The following LRBA variants were observed in gnomAD, a reference collection of about 807,000 sequenced individuals.
LRBA encodes lipopolysaccharide-responsive and beige-like anchor protein.
A neutral mutation model predicts 330.0 loss-of-function variants in LRBA; 176 were observed. The ratio of observed to expected loss-of-function variants is 0.53; its 90% CI spans 0.47 to 0.60. LRBA has a LOEUF of 0.60. LRBA is among the 20% of genes least tolerant of loss of function. LRBA has a pLI of 0.00. For synonymous variants in LRBA, 1,230 were observed against 1,193.0 expected (o/e 1.03, Z -0.64); for missense variants, 3,259 against 3,444.8 (o/e 0.95, Z 1.35).
chr4:150,303,452 C>A (rs1274383531), intron 52 of LRBA, among the ~76,000 whole-genome samples: 1 of 152,086 alleles, frequency 6.6e-6, no homozygotes, highest in Non-Finnish European at 1.5e-5. Context: ...ATGGTAATGA[C>A]TGGGGACAAA....
Position 150,892,955 on chromosome 4 carries a change from AT to A in LRBA, c.2165+96del, listed in dbSNP as rs1188049712. On this transcript the variant is annotated intron_variant, in intron 17 of 56. Transcript: ENST00000651943. ...TTAACTCATTTCATGCTATAAACTC[AT>A]TTCATATGTAAGTTTAAATAATCCT... 26 of 723,142 alleles carry A rather than the reference AT, an allele frequency of 3.6e-5. No homozygotes were observed. In the African/African-American group the frequency reaches 4.5e-4, roughly 12 times the overall value. The allele number at this position is 723,142 out of a possible 1,614,324, so 44.8% of individuals were successfully genotyped here.
chr4:150,802,038 T>TAAA (rs1741699590), intron 33 of LRBA, among the ~76,000 whole-genome samples: 1 of 117,946 alleles, frequency 8.5e-6, no homozygotes, highest in African/African-American at 2.9e-5. Flanking sequence ...AATAAATAAA[T>TAAA]AAATAAATAA....
chr4:150,868,219 T>A lies in LRBA; in HGVS notation c.2536A>T (p.Met846Leu). 1 of 1,612,852 alleles carries A rather than the reference T, an allele frequency of 6.2e-7. No individual in the cohort carries two copies. Among genetic ancestry groups the A allele is most frequent in the South Asian group, 1.1e-5 (1 of 90,932 alleles). ...MEVRRAFLSD[M>L]IKLFNNSREN... ...CTACTGTTATTAAAAAGTTTAATCA[T>A]GTCAGAAAGAAAGGCTCTGCGAACC... The change falls in exon 21 of 57, where the codon ATG becomes TTG. Residue 846 changes from methionine to leucine, a missense_variant. Met to Leu is a conservative substitution (Grantham distance 15). Transcript: ENST00000651943.
At chr4:150,706,621 T>C (rs1172258807) in intron 36 of LRBA, among the ~76,000 whole-genome samples, 1 of 151,202 alleles carries the variant, frequency 6.6e-6, no homozygotes, top group African/African-American at 2.4e-5. Context: ...ATTTAACTTC[T>C]GTAAGGCAAC....
chr4:150,540,488 G>T (rs1184853351), intron 40 of LRBA, among the ~76,000 whole-genome samples: 1 of 152,042 alleles, frequency 6.6e-6, no homozygotes, highest in East Asian at 1.9e-4. Context: ...AGCCACCAGC[G>T]CCCAGCCAAC....
intron 35 of LRBA, among the ~76,000 whole-genome samples, chr4:150,744,534 TTC>T (rs1732436457): frequency 6.6e-6 from 1 of 152,374 alleles, no homozygotes; most frequent in South Asian, 2.1e-4. Context: ...TGAATAAATC[TTC>T]TGAGTGCTAA....
Position 150,848,980 on chromosome 4 carries a change from C to T in LRBA, c.4177G>A (p.Glu1393Lys). The change falls in exon 26 of 57, where the codon GAA becomes AAA. Residue 1393 changes from glutamate (E) to lysine (K), a missense_variant. Glu to Lys is a moderately conservative substitution (Grantham distance 56). Transcript: ENST00000651943. ...TSATHELENI[E>K]PTQGLSIEAS... Reference sequence around the variant, plus strand: ...TCTATTGAAAGGCCTTGAGTAGGTTCAATATTTTCCAGTTCATGCTGTAAA... The same window carrying T: ...TCTATTGAAAGGCCTTGAGTAGGTTTAATATTTTCCAGTTCATGCTGTAAA... 6.3e-7 allele frequency: 1 copy of T among 1,593,710 alleles called. No individual in the cohort carries two copies.
chr4:150,555,788 A>ACACACACACACACACAC (rs1554054001), intron 40 of LRBA, among the ~76,000 whole-genome samples: 11 of 101,132 alleles, frequency 1.1e-4, no homozygotes, highest in African/African-American at 3.5e-4. Flanking sequence ...CACACACACA[A>ACACACACACACACACAC]ACAAATAGAA....
chr4:150,828,733 C>A (rs994858494), intron 29 of LRBA, 112 bp from the exon 30 acceptor site: 9 of 1,005,054 alleles, frequency 9.0e-6, no homozygotes, highest in African/African-American at 1.6e-5. Flanking sequence ...TGAAATACAT[C>A]ATGTTCTAAA....
chr4:150,388,806 C>T (rs555732747), intron 47 of LRBA, among the ~76,000 whole-genome samples: 1 of 152,262 alleles, frequency 6.6e-6, no homozygotes, highest in Non-Finnish European at 1.5e-5. Flanking sequence ...AGGGTAGTCA[C>T]TAGCCAAATG....
chr4:150,968,651 A>G (rs139677188), intron 2 of LRBA, among the ~76,000 whole-genome samples: 3 of 152,362 alleles, frequency 2.0e-5, no homozygotes, highest in African/African-American at 7.2e-5. Flanking sequence ...AACAGTCTCC[A>G]TAACACAAAA....
At chr4:150,819,930 C>T (rs1000389365) in intron 30 of LRBA, among the ~76,000 whole-genome samples, 1 of 152,040 alleles carries the variant, frequency 6.6e-6, no homozygotes, top group Non-Finnish European at 1.5e-5. Flanking sequence ...TTACATTTTA[C>T]ATGTTCCTCA....
intron 37 of LRBA, among the ~76,000 whole-genome samples, chr4:150,644,023 T>G (rs1462819115): frequency 6.6e-6 from 1 of 151,912 alleles, no homozygotes; most frequent in African/African-American, 2.4e-5. Context: ...ATGTCACACA[T>G]ATAGCCATAC....
In LRBA at chr4:150,644,789, G is replaced by T. The variant is rs868699999; in HGVS notation, c.5921+38762C>A. On this transcript the variant is annotated intron_variant, in intron 37 of 56. Transcript: ENST00000651943. ...AGAAAACAAAAATTTAGTACCATCT[G>T]AAGTGGAATCTGCTAGGATGTCTTA... is the stretch of plus-strand genomic sequence containing the variant. Among the ~76,000 whole-genome samples, 76 of 151,986 alleles carry T rather than the reference G, an allele frequency of 5.0e-4. 1 individual carries two copies. The highest frequency in any genetic ancestry group is 3.8e-4 in the Non-Finnish European group (26 of 67,826).
intron 56 of LRBA, among the ~76,000 whole-genome samples, chr4:150,270,350 C>G (rs1441846336): frequency 1.3e-5 from 2 of 152,174 alleles, no homozygotes; most frequent in Non-Finnish European, 2.9e-5. Flanking sequence ...ATAAACAGAA[C>G]ACAGAATATT....
chr4:150,880,787 G>T (rs528443484), intron 17 of LRBA, among the ~76,000 whole-genome samples: 1 of 152,022 alleles, frequency 6.6e-6, no homozygotes, highest in African/African-American at 2.4e-5. Flanking sequence ...CTGACAAACT[G>T]TGCATTTGAC....
At chr4:150,972,757 G>A (rs1163166130) in intron 2 of LRBA, among the ~76,000 whole-genome samples, 1 of 152,168 alleles carries the variant, frequency 6.6e-6, no homozygotes, top group Non-Finnish European at 1.5e-5. Flanking sequence ...AGGCAATCAA[G>A]TGGAATATAT....
chr4:150,717,519 G>T lies in LRBA; in HGVS notation c.5754+17739C>A, dbSNP rs181629311. Among the ~76,000 whole-genome samples the T allele has an allele frequency of 3.5e-3, 535 of 151,672 alleles. 2 individuals carry two copies. The highest frequency in any genetic ancestry group is 0.012 in the African/African-American group (509 of 41,428). On this transcript the variant is annotated intron_variant, in intron 36 of 56. Coordinates refer to ENST00000651943, the MANE Select transcript of LRBA (RefSeq NM_001364905.1). ...AAAAAACAAAACAAAAATTAGCCAG[G>T]TGTGGTGGTGTGCACATGTAGTGCC...
intron 40 of LRBA, among the ~76,000 whole-genome samples, chr4:150,534,371 AT>A (rs1402156965): frequency 2.8e-5 from 4 of 143,340 alleles, no homozygotes; most frequent in Non-Finnish European, 6.1e-5. Context: ...AATAATAATA[AT>A]AATAATTTTT....
Sources: gnomAD v4.1 joint callset for allele counts (sites outside exome capture counted in the v4.1 genomes callset) on GRCh38, gnomAD v4.1.1 for gene constraint, MANE v1.5 for transcripts, NCBI Gene and HGNC (gene_info 2026-07-23, HGNC 2026-07-21) for gene names.